ERCC4: variants seen among roughly 807,000 people sequenced by gnomAD.
ERCC4 encodes the protein DNA repair endonuclease XPF.
A neutral mutation model predicts 76.9 loss-of-function variants in ERCC4; 65 were observed. That is an observed-to-expected ratio of 0.84 (90% CI 0.69 to 1.04). The LOEUF (loss-of-function observed/expected upper bound fraction) is 1.04, where lower values mean the gene tolerates loss of function less well. Among genes scored for constraint, ERCC4 ranks in the 50% least tolerant of loss-of-function variants. The pLI is 0.00. For synonymous variants in ERCC4, 463 were observed against 410.1 expected (o/e 1.13, Z -1.56); for missense variants, 1,214 against 1,128.2 (o/e 1.08, Z -1.09).
At chr16:13,945,465 A>G (rs1482499964) in intron 10 of ERCC4, among the ~76,000 whole-genome samples, 1 of 152,228 alleles carries the variant, frequency 6.6e-6, no homozygotes, top group African/African-American at 2.4e-5. Context: ...CTATGCCAGC[A>G]GCTGATTTCA....
chr16:13,945,351 G>T (rs1350096948), intron 10 of ERCC4, among the ~76,000 whole-genome samples: 1 of 152,078 alleles, frequency 6.6e-6, no homozygotes, highest in East Asian at 1.9e-4. Flanking sequence ...GGTACGCATT[G>T]CTGTGCAGTG....
Position 13,935,336 on chromosome 16 carries a change from A to C in ERCC4, c.1404A>C (p.Arg468Ser), listed in dbSNP as rs1673227802. 1.4e-5 allele frequency: 22 copies of C among 1,612,008 alleles called. No homozygotes were observed. The highest frequency in any genetic ancestry group is 1.8e-5 in the Non-Finnish European group (21 of 1,179,544). The change falls in exon 8 of 11, where the codon AGA (arginine) becomes AGC (serine). Residue 468 changes from arginine to serine, a missense_variant. Arg to Ser is a moderately radical substitution (Grantham distance 110). Coordinates refer to ENST00000311895, the MANE Select transcript of ERCC4 (RefSeq NM_005236.3). The stretch of plus-strand genomic sequence containing the variant: ...AGAGAATTAGGAAATCTCACAAAAG[A>C]CCTAAAGACCCCCAAAACAAAGAAC... ...SSKRIRKSHK[R>S]PKDPQNKERA... is the part of the protein sequence containing the mutation.
intron 9 of ERCC4, among the ~76,000 whole-genome samples, chr16:13,938,681 C>T (rs77767857): frequency 1.3e-5 from 2 of 152,214 alleles, no homozygotes; most frequent in Admixed American, 6.5e-5. Flanking sequence ...TGGGCCAGAG[C>T]AAACTTCCAA....
chr16:13,935,049 T>C, intron 7 of ERCC4, 97 bp from the exon 8 acceptor site: 5 of 919,574 alleles, frequency 5.4e-6, no homozygotes, highest in Non-Finnish European at 5.4e-6. Flanking sequence ...TACCAAAGGG[T>C]AAGATGTCTT....
Position 13,947,788 on chromosome 16 carries a change from A to AT in ERCC4, c.2195dup (p.Leu732PhefsTer7). The AT allele has an allele frequency of 6.2e-7, 1 of 1,614,246 alleles. No homozygotes were observed. Among genetic ancestry groups the AT allele is most frequent in the South Asian group, 1.1e-5 (1 of 91,090 alleles). ...TGCGTGGAGCGCAAGAGTATCAGTG[A>AT]TTTAATCGGCTCTTTAAATAACGGC... On this transcript the variant is annotated frameshift_variant, in exon 11 of 11. Transcript: ENST00000311895. LOFTEE classifies it high-confidence loss of function.
In ERCC4 at chr16:13,948,510, G is replaced by C; in HGVS notation, c.*163G>C. 2.5e-6 allele frequency: 2 copies of C among 812,824 alleles called. No homozygotes were observed. Among genetic ancestry groups the C allele is most frequent in the Non-Finnish European group, 2.0e-6 (1 of 507,462 alleles). 50.4% of individuals were successfully genotyped at this position (812,824 alleles called of 1,614,324 possible). A position where few individuals can be genotyped will look rare whatever the true frequency, so the allele number is the denominator to read the frequency against. ...CCAGGATTCCTCTCTGAACTCTGCA[G>C]TTAGGCATCACTTGAACTTGCCTGT... On this transcript the variant is annotated 3_prime_UTR_variant, in exon 11 of 11. Coordinates refer to ENST00000311895, the MANE Select transcript of ERCC4 (RefSeq NM_005236.3).
In ERCC4 at chr16:13,934,934, C is replaced by T. The variant is rs540402296; in HGVS notation, c.1214-212C>T. The T allele has an allele frequency of 2.9e-5, 15 of 525,238 alleles. No homozygotes were observed. The East Asian group carries it at 4.4e-4, about 15-fold the overall frequency. The allele number at this position is 525,238 out of a possible 1,614,324, so 32.5% of individuals were successfully genotyped here. A position where few individuals can be genotyped will look rare whatever the true frequency, so the allele number is the denominator to read the frequency against. ...ACTTTCATAAGATTAAATAGTCTGGCTTCAACTTTACTGAAAAGATTTAAG... is the reference window on the plus strand; with the variant it reads ...ACTTTCATAAGATTAAATAGTCTGGTTTCAACTTTACTGAAAAGATTTAAG... On this transcript the variant is annotated intron_variant, in intron 7 of 10. Transcript: ENST00000311895.
chr16:13,945,624 A>G (rs552279120), intron 10 of ERCC4, among the ~76,000 whole-genome samples: 1 of 152,336 alleles, frequency 6.6e-6, no homozygotes, highest in East Asian at 1.9e-4. Flanking sequence ...CCCTCAATTC[A>G]TAGAAATTCC....
rs369845118 is a variant in ERCC4 at position 13,948,372 on chromosome 16, C to T, written c.*25C>T. 1.4e-4 allele frequency: 226 copies of T among 1,603,714 alleles called. No individual in the cohort carries two copies. The highest frequency in any genetic ancestry group is 1.8e-4 in the Non-Finnish European group (214 of 1,179,594). Reference sequence around the variant, plus strand: ...AACAGTGATGGCTGTTTTCTTATCCCATGCCTGTACTTTTCAGCGGCTCCT... The same window carrying T: ...AACAGTGATGGCTGTTTTCTTATCCTATGCCTGTACTTTTCAGCGGCTCCT... On this transcript the variant is annotated 3_prime_UTR_variant, in exon 11 of 11. Coordinates refer to ENST00000311895, the MANE Select transcript of ERCC4 (RefSeq NM_005236.3).
intron 9 of ERCC4, among the ~76,000 whole-genome samples, chr16:13,939,472 C>T (rs1262889702): frequency 2.0e-5 from 3 of 152,128 alleles, no homozygotes; most frequent in African/African-American, 7.2e-5. Flanking sequence ...AAAGACCTCA[C>T]CCAGACCACA....
intron 9 of ERCC4, among the ~76,000 whole-genome samples, chr16:13,941,355 ATACT>A (rs1194938362): frequency 6.6e-6 from 1 of 152,250 alleles, no homozygotes; most frequent in Non-Finnish European, 1.5e-5. Flanking sequence ...GAATCTTAAG[ATACT>A]TACTTTCCCA....
intron 10 of ERCC4, among the ~76,000 whole-genome samples, chr16:13,946,509 A>G (rs1024116534): frequency 2.6e-5 from 4 of 152,228 alleles, no homozygotes; most frequent in Non-Finnish European, 2.9e-5. Flanking sequence ...TCACTGTCTT[A>G]TATGCACTTT....
chr16:13,944,578 C>T (rs1370691762), intron 9 of ERCC4, 145 bp from the exon 10 acceptor site: 1 of 668,972 alleles, frequency 1.5e-6, no homozygotes, highest in Non-Finnish European at 2.8e-6. Context: ...GGCATATTTA[C>T]TTCTAATATA....
chr16:13,948,319 T>A lies in ERCC4; in HGVS notation c.2723T>A (p.Val908Asp), dbSNP rs774939544. Residue 908 changes from valine (V) to aspartate (D), a missense_variant, in exon 11 of 11, where the codon GTC becomes GAC. Val to Asp is a radical substitution (Grantham distance 152). Coordinates refer to ENST00000311895, the MANE Select transcript of ERCC4 (RefSeq NM_005236.3). ...YDFIHTSFAE[V>D]VSKGKGKK Reference sequence around the variant, plus strand: ...TTCATTCACACCTCTTTTGCAGAAGTCGTATCAAAAGGAAAAGGGAAAAAG... The same window carrying A: ...TTCATTCACACCTCTTTTGCAGAAGACGTATCAAAAGGAAAAGGGAAAAAG... The A allele has an allele frequency of 1.7e-5, 28 of 1,612,928 alleles. No individual in the cohort carries two copies. The highest frequency in any genetic ancestry group is 2.3e-5 in the Non-Finnish European group (27 of 1,180,028).
At position 13,922,019 on chromosome 16, in the gene ERCC4, G is replaced by T; in HGVS notation, c.208-12G>T. 3 of 1,599,122 alleles carry T rather than the reference G, an allele frequency of 1.9e-6. No individual in the cohort carries two copies. Among genetic ancestry groups the T allele is most frequent in the South Asian group, 2.2e-5 (2 of 90,670 alleles). Reference sequence around the variant, plus strand: ...ATTAAATAGCCTACTAATCAAGTTTGATTTGATTTAGGAGTATTTTATCAA... The same window carrying T: ...ATTAAATAGCCTACTAATCAAGTTTTATTTGATTTAGGAGTATTTTATCAA... On this transcript the variant is annotated splice_polypyrimidine_tract_variant and intron_variant, in intron 1 of 10. Transcript: ENST00000311895.
At chr16:13,922,302 T>C in intron 2 of ERCC4, 91 bp downstream of exon 2, 1 of 954,486 alleles carries the variant, frequency 1.0e-6, no homozygotes, top group Admixed American at 1.9e-5. Flanking sequence ...CAGAGAATAG[T>C]CTGTCTTCAG....
Position 13,928,225 on chromosome 16 carries a change from C to T in ERCC4, c.782C>T (p.Pro261Leu), listed in dbSNP as rs765111229. 7 of 1,608,598 alleles carry T rather than the reference C, an allele frequency of 4.4e-6. No homozygotes were observed. Among genetic ancestry groups the T allele is most frequent in the South Asian group, 1.1e-5 (1 of 90,948 alleles). Reference sequence around the variant, plus strand: ...TCTTTAGAAAATGCTATTGGAAAACCTTTTGACAAGGTACTCTTTTTCCTT... The same window carrying T: ...TCTTTAGAAAATGCTATTGGAAAACTTTTTGACAAGGTACTCTTTTTCCTT... ...DLSLENAIGK[P>L]FDKTIRHYLD... Residue 261 changes from proline to leucine, a missense_variant, in exon 4 of 11, where the codon CCT (proline) becomes CTT (leucine). Coordinates refer to ENST00000311895, the MANE Select transcript of ERCC4 (RefSeq NM_005236.3).
Position 13,927,800 on chromosome 16 carries a change from G to A in ERCC4, c.585-228G>A. 5.9e-6 allele frequency: 3 copies of A among 509,402 alleles called. No homozygotes were observed. In the Admixed American group the frequency reaches 9.6e-5, roughly 16 times the overall value. The allele number at this position is 509,402 out of a possible 1,614,324, so 31.6% of individuals were successfully genotyped here. ...GACTATAGAAACAGGTACAGGATTTGGCCCAGACCGTAGTTTGCTGACCCT... is the reference window on the plus strand; with the variant it reads ...GACTATAGAAACAGGTACAGGATTTAGCCCAGACCGTAGTTTGCTGACCCT... On this transcript the variant is annotated intron_variant, in intron 3 of 10. Transcript: ENST00000311895.
chr16:13,930,647 TTTGTA>T (rs2032153833), intron 4 of ERCC4, 58 bp from the exon 5 acceptor site: 2 of 1,193,290 alleles, frequency 1.7e-6, no homozygotes, highest in East Asian at 4.8e-5. Context: ...GAAAGTATGA[TTTGTA>T]TTAAGAATAA....
Sources: allele counts gnomAD v4.1 joint callset (sites outside exome capture counted in the v4.1 genomes callset), GRCh38; gene constraint gnomAD v4.1.1; transcripts MANE v1.5; gene names NCBI Gene and HGNC (gene_info 2026-07-23, HGNC 2026-07-21).